PDE4C: variants seen among roughly 807,000 people sequenced by gnomAD.
The protein encoded by PDE4C is phosphodiesterase 4C, also known as 3',5'-cyclic-AMP phosphodiesterase 4C.
Under a neutral mutation model 63.9 loss-of-function variants are expected in PDE4C, and 50 were observed. The observed-to-expected ratio is 0.78, with a 90% CI of 0.62 to 0.99. The LOEUF is 0.99. Ranked by LOEUF, PDE4C falls within the 50% of genes least tolerant of loss-of-function variation. The pLI is 0.00. For missense variants in PDE4C, 777 were observed against 899.1 expected (o/e 0.86, Z 1.74); for synonymous variants, 377 against 385.1 (o/e 0.98, Z 0.25).
intron 1 of PDE4C, among the ~76,000 whole-genome samples, chr19:18,241,098 G>T (rs1411034837): frequency 6.6e-6 from 1 of 152,038 alleles, no homozygotes; most frequent in Admixed American, 6.6e-5. Context: ...CTCTACAAGA[G>T]GCCTCCCTCG....
intron 1 of PDE4C, among the ~76,000 whole-genome samples, chr19:18,223,030 G>T (rs78295817): frequency 6.6e-5 from 10 of 150,678 alleles, no homozygotes; most frequent in South Asian, 2.1e-4. Flanking sequence ...GTTTTTTGGG[G>T]TTTTTTTGAG....
chr19:18,220,738 C>T lies in PDE4C; in HGVS notation c.499+136G>A. ...AATATGAGTGTGGTGGGGTCCATCC[C>T]CGAGGGCGTTATTGTTTTTGCAGGG... On this transcript the variant is annotated intron_variant, in intron 5 of 14. Transcript: ENST00000262805. The surrounding 1 kb of genome is among the most constrained non-coding windows in gnomAD (Gnocchi z 5.1). 2 of 924,538 alleles carry T rather than the reference C, an allele frequency of 2.2e-6. No homozygotes were observed. The highest frequency in any genetic ancestry group is 1.7e-6 in the Non-Finnish European group (1 of 582,330). The allele number at this position is 924,538 out of a possible 1,614,324, so 57.3% of individuals were successfully genotyped here.
intron 1 of PDE4C, among the ~76,000 whole-genome samples, chr19:18,232,780 C>G (rs978461517): frequency 1.6e-4 from 24 of 152,164 alleles, no homozygotes; most frequent in African/African-American, 5.1e-4. Flanking sequence ...ATGACACCAG[C>G]ACCCTCAGCT....
chr19:18,210,794 A>G, exon 15 of PDE4C: 2 of 1,428,786 alleles, frequency 1.4e-6, no homozygotes, highest in Non-Finnish European at 9.2e-7. Context: ...ACCTATAACT[A>G]AGAGCTTGAT....
upstream of PDE4C, among the ~76,000 whole-genome samples, chr19:18,231,132 T>C (rs1357863723): frequency 6.6e-6 from 1 of 152,224 alleles, no homozygotes. Context: ...CAGGTTGGCC[T>C]TGGGGCCTGG....
chr19:18,230,871 C>T (rs1215175852), upstream of PDE4C, among the ~76,000 whole-genome samples: 1 of 152,144 alleles, frequency 6.6e-6, no homozygotes, highest in South Asian at 2.1e-4. Context: ...TCCATGGTTG[C>T]GTCTCCAACA....
chr19:18,253,561 A>ACAC, the PDE4C span, among the ~76,000 whole-genome samples: 1 of 56,918 alleles, frequency 1.8e-5, no homozygotes, highest in Non-Finnish European at 3.3e-5. Flanking sequence ...AAAAAAAAAA[A>ACAC]AAACACACAC....
intron 12 of PDE4C, among the ~76,000 whole-genome samples, chr19:18,214,815 T>G (rs1368427934): frequency 6.6e-6 from 1 of 151,866 alleles, no homozygotes; most frequent in Admixed American, 6.6e-5. Context: ...CCGGGTGTGG[T>G]GGCAGGCACC....
chr19:18,220,993 G>C lies in PDE4C; in HGVS notation c.450-70C>G. 3 of 1,539,084 alleles carry C rather than the reference G, an allele frequency of 1.9e-6. No individual in the cohort carries two copies. Among genetic ancestry groups the C allele is most frequent in the South Asian group, 2.4e-5 (2 of 84,568 alleles). ...CCCGCCCCCAAGTCCACCAGGCCCC[G>C]CCCCTCAAACCCACCTGGAGGCGCC... is the stretch of plus-strand genomic sequence containing the variant. On this transcript the variant is annotated intron_variant, in intron 4 of 14. Coordinates refer to ENST00000262805, the Ensembl canonical transcript of PDE4C. This position sits in a 1 kb window ranked among gnomAD's most constrained non-coding sequence, Gnocchi z 5.1.
intron 1 of PDE4C, among the ~76,000 whole-genome samples, chr19:18,231,903 T>G (rs1371830231): frequency 6.6e-6 from 1 of 151,570 alleles, no homozygotes; most frequent in Non-Finnish European, 1.5e-5. Context: ...AAGCAGCCCC[T>G]CCTTACTTAA....
At chr19:18,223,716 C>T (rs1968596971) in intron 1 of PDE4C, among the ~76,000 whole-genome samples, 1 of 152,218 alleles carries the variant, frequency 6.6e-6, no homozygotes, top group African/African-American at 2.4e-5. Flanking sequence ...ACCGAACATC[C>T]AAAGACTGCG....
chr19:18,218,646 G>T, intron 9 of PDE4C, 148 bp from the exon 10 acceptor site: 1 of 868,748 alleles, frequency 1.2e-6, no homozygotes, highest in Non-Finnish European at 1.8e-6. Context: ...CCTCCACTCT[G>T]TGTTATTTGG....
intron 1 of PDE4C, among the ~76,000 whole-genome samples, chr19:18,226,035 C>A (rs1314239720): frequency 3.3e-5 from 5 of 152,194 alleles, no homozygotes; most frequent in East Asian, 1.9e-4. Flanking sequence ...TATATCCAGG[C>A]GGCGGGTGGA....
intron 1 of PDE4C, among the ~76,000 whole-genome samples, chr19:18,243,842 T>C (rs189791970): frequency 6.1e-4 from 93 of 152,008 alleles, no homozygotes; most frequent in African/African-American, 2.2e-3. Flanking sequence ...CACATCAACC[T>C]ACCACTCCTG....
At chr19:18,252,762 C>A (rs928097548), upstream of PDE4C, among the ~76,000 whole-genome samples, 1 of 151,984 alleles carries the variant, frequency 6.6e-6, no homozygotes, top group Non-Finnish European at 1.5e-5. Context: ...GGATTACAGG[C>A]GTGCATTACC....
chr19:18,243,591 A>G (rs1400632755), intron 1 of PDE4C, among the ~76,000 whole-genome samples: 2 of 152,094 alleles, frequency 1.3e-5, no homozygotes, highest in Non-Finnish European at 2.9e-5. Context: ...GAGGCAGCTG[A>G]ATGTTTGGAT....
upstream of PDE4C, among the ~76,000 whole-genome samples, chr19:18,236,327 C>A (rs1968950469): frequency 6.6e-6 from 1 of 152,002 alleles, no homozygotes; most frequent in South Asian, 2.1e-4. Flanking sequence ...GCAACCTCCA[C>A]CTCCCAGGTT....
intron 12 of PDE4C, 55 bp downstream of exon 12, chr19:18,216,683 GAGA>G: frequency 6.7e-7 from 1 of 1,499,266 alleles, no homozygotes; most frequent in South Asian, 1.3e-5. Context: ...GTCTGCAGAT[GAGA>G]AGGATGCCCC....
intron 1 of PDE4C, among the ~76,000 whole-genome samples, chr19:18,247,925 A>G (rs554407257): frequency 7.2e-5 from 11 of 152,228 alleles, no homozygotes; most frequent in African/African-American, 2.6e-4. Context: ...AGCGGTCCCC[A>G]TCCAGGGACA....
Sources: gnomAD v4.1 joint callset for allele counts (sites outside exome capture counted in the v4.1 genomes callset) on GRCh38, gnomAD v4.1.1 for gene constraint, Gnocchi (gnomAD v3.1) non-coding constraint, MANE v1.5 for transcripts, NCBI Gene and HGNC (gene_info 2026-07-23, HGNC 2026-07-21) for gene names.